BAZ2A: variants seen among roughly 807,000 people sequenced by gnomAD.
BAZ2A encodes the protein bromodomain adjacent to zinc finger domain protein 2A.
BAZ2A carries 34 observed loss-of-function variants against 199.9 expected under a neutral mutation model. The ratio of observed to expected loss-of-function variants is 0.17; its 90% confidence interval spans 0.13 to 0.23. The LOEUF is 0.23. Ranked by LOEUF, BAZ2A falls within the 10% of genes least tolerant of loss-of-function variation. The probability of loss-of-function intolerance (pLI) is 1.00; values close to 1 mark genes in which losing one functional copy is unlikely to be tolerated. For missense variants in BAZ2A, 2,002 were observed against 2,391.1 expected (o/e 0.84, Z 3.39); for synonymous variants, 857 against 883.9 (o/e 0.97, Z 0.54).
At chr12:56,633,708 C>A (rs527895541), upstream of BAZ2A, among the ~76,000 whole-genome samples, 1 of 151,882 alleles carries the variant, frequency 6.6e-6, no homozygotes, top group Non-Finnish European at 1.5e-5. Context: ...GGAAAACACC[C>A]CTCCCCTTCT....
At position 56,617,380 on chromosome 12, in the gene BAZ2A, A is replaced by G; in HGVS notation, c.136+15T>C. On this transcript the variant is annotated intron_variant, in intron 2 of 28. Coordinates refer to ENST00000549884, the MANE Select transcript of BAZ2A (RefSeq NM_001300905.2). Reference sequence around the variant, plus strand: ...TGCCCATTCCCTCCCCAGGCCAAGCAGCCCTCACACTCACTTTTCCCTTGC... The same window carrying G: ...TGCCCATTCCCTCCCCAGGCCAAGCGGCCCTCACACTCACTTTTCCCTTGC... 3.2e-6 allele frequency: 5 copies of G among 1,584,664 alleles called. No individual in the cohort carries two copies. Among genetic ancestry groups the G allele is most frequent in the South Asian group, 1.2e-5 (1 of 86,426 alleles).
chr12:56,604,760 G>C lies in BAZ2A; in HGVS notation c.2788C>G (p.Leu930Val). 2 of 1,613,906 alleles carry C rather than the reference G, an allele frequency of 1.2e-6. No individual in the cohort carries two copies. Among genetic ancestry groups the C allele is most frequent in the Non-Finnish European group, 1.7e-6 (2 of 1,179,884 alleles). The change falls in exon 15 of 29, where the codon CTG (leucine) becomes GTG (valine). Residue 930 changes from leucine to valine, a missense_variant. Leu to Val is a conservative substitution (Grantham distance 32). Coordinates refer to ENST00000549884, the MANE Select transcript of BAZ2A (RefSeq NM_001300905.2). ...ATCTCTGACACATTGTCTCTTGTCA[G>C]TGGGATCTCAGACACCTTCTCCCCC... ...ILGEKVSEIP[L>V]TRDNVSEILR...
At position 56,603,540 on chromosome 12, in the gene BAZ2A, T is replaced by C. The variant is rs1325719389; in HGVS notation, c.3199A>G (p.Arg1067Gly). The part of the protein sequence containing the change: ...EESIAAVPGR[R>G]GRRDGEVDAT... The stretch of plus-strand genomic sequence containing the variant: ...AGTACCTCTCCATCTCTTCGACCCC[T>C]GCGGCCAGGGACAGCTGCTATAGAC... The change falls in exon 17 of 29, where the codon AGG becomes GGG. Residue 1067 changes from arginine (R) to glycine (G), a missense_variant. Arg to Gly is a moderately radical substitution (Grantham distance 125). Coordinates refer to ENST00000549884, the MANE Select transcript of BAZ2A (RefSeq NM_001300905.2). 1 of 1,614,034 alleles carries C rather than the reference T, an allele frequency of 6.2e-7. No individual in the cohort carries two copies. The highest frequency in any genetic ancestry group is 2.2e-5 in the East Asian group (1 of 44,888).
chr12:56,615,132 G>A lies in BAZ2A; in HGVS notation c.612C>T (p.Ser204=). 1 of 1,613,712 alleles carries A rather than the reference G, an allele frequency of 6.2e-7. No individual in the cohort carries two copies. Among genetic ancestry groups the A allele is most frequent in the Non-Finnish European group, 8.5e-7 (1 of 1,179,784 alleles). ...GATGGATACCACTGCCTACCTCCTG[G>A]GAGGGTGCAAAGGTTTGAATGCTAG... ...LGSSIQTFAP[S]QEVGSGIHPD... is the part of the protein sequence containing the mutation. Residue 204 remains serine, a synonymous_variant, in exon 3 of 29, where the codon TCC becomes TCT. Transcript: ENST00000549884.
At position 56,611,662 on chromosome 12, in the gene BAZ2A, A is replaced by C. The variant is rs529882168; in HGVS notation, c.1610-29T>G. On this transcript the variant is annotated intron_variant, in intron 6 of 28. Transcript: ENST00000549884. ...GGGAGGAAGGGATACCCAAGTTAAG[A>C]GTTCAAGCAAAATATTTAAACAATA... is the stretch of plus-strand genomic sequence containing the variant. The C allele has an allele frequency of 9.3e-5, 147 of 1,578,958 alleles. 1 individual carries two copies. In the South Asian group the frequency reaches 1.6e-3, roughly 18 times the overall value.
chr12:56,638,294 A>G (rs781303553), upstream of BAZ2A: 1 of 1,586,960 alleles, frequency 6.3e-7, no homozygotes, highest in African/African-American at 1.3e-5. Flanking sequence ...AGGGGCAAGG[A>G]GAGAGACAGT....
chr12:56,608,090 A>G (rs530914929), intron 10 of BAZ2A, among the ~76,000 whole-genome samples: 21 of 148,530 alleles, frequency 1.4e-4, no homozygotes, highest in Admixed American at 6.7e-5. Flanking sequence ...AAAAAAAAAA[A>G]GGGCCAGGCG....
upstream of BAZ2A, among the ~76,000 whole-genome samples, chr12:56,630,484 C>G (rs1470497785): frequency 1.3e-5 from 2 of 152,274 alleles, no homozygotes; most frequent in Non-Finnish European, 2.9e-5. Flanking sequence ...CCTTGCCCAC[C>G]TGGCAGCTCC....
At position 56,624,681 on chromosome 12, in the gene BAZ2A, G is replaced by C. The variant is rs555969351; in HGVS notation, c.-3+5444C>G. ...GATAAAAATTTCAAGAGAGAAGAAAGGCCTCAAATCTTGACGTACTTAAAT... is the reference window on the plus strand; with the variant it reads ...GATAAAAATTTCAAGAGAGAAGAAACGCCTCAAATCTTGACGTACTTAAAT... On this transcript the variant is annotated intron_variant, in intron 1 of 28. Coordinates refer to ENST00000549884, the MANE Select transcript of BAZ2A (RefSeq NM_001300905.2). Among the ~76,000 whole-genome samples the C allele has an allele frequency of 3.4e-5, 5 of 148,418 alleles. 1 individual carries two copies. In the South Asian group the frequency reaches 6.4e-4, roughly 19 times the overall value.
chr12:56,638,273 CT>C, upstream of BAZ2A: 1 of 1,502,198 alleles, frequency 6.7e-7, no homozygotes, highest in Non-Finnish European at 9.2e-7. Flanking sequence ...AAAAATGAAG[CT>C]TTTTGGGTTA....
In BAZ2A at chr12:56,604,737, C is replaced by G. The variant is rs781365311; in HGVS notation, c.2811G>C (p.Glu937Asp). ...EIPLTRDNVS[E>D]ILRCFLMAYG... is the part of the protein sequence containing the mutation. The stretch of plus-strand genomic sequence containing the variant: ...ATGCCATAAGGAAGCAGCGCAGGAT[C>G]TCTGACACATTGTCTCTTGTCAGTG... The change falls in exon 15 of 29, where the codon GAG (glutamate) becomes GAC (aspartate). Residue 937 changes from glutamate to aspartate, a missense_variant. By Grantham distance (45) the Glu-to-Asp change is conservative. Transcript: ENST00000549884. The G allele has an allele frequency of 6.2e-7, 1 of 1,613,906 alleles. No homozygotes were observed. Among genetic ancestry groups the G allele is most frequent in the South Asian group, 1.1e-5 (1 of 91,032 alleles).
chr12:56,611,530 A>T (rs763907284), intron 7 of BAZ2A, 43 bp downstream of exon 7: 2 of 1,573,872 alleles, frequency 1.3e-6, no homozygotes, highest in African/African-American at 2.7e-5. Context: ...GTTGTGCATT[A>T]AACTTGTCAA....
Position 56,602,703 on chromosome 12 carries a change from G to A in BAZ2A, c.3424+10C>T, listed in dbSNP as rs183341800. Reference sequence around the variant, plus strand: ...GGACTCAGAATCCACACTCCCACAGGCACACCTACCTAAGTTCCCCTCTGT... The same window carrying A: ...GGACTCAGAATCCACACTCCCACAGACACACCTACCTAAGTTCCCCTCTGT... On this transcript the variant is annotated intron_variant, in intron 19 of 28. Coordinates refer to ENST00000549884, the MANE Select transcript of BAZ2A (RefSeq NM_001300905.2). 18 of 1,611,444 alleles carry A rather than the reference G, an allele frequency of 1.1e-5. No homozygotes were observed. In the African/African-American group the frequency reaches 2.3e-4, roughly 20 times the overall value.
chr12:56,601,721 G>T lies in BAZ2A; in HGVS notation c.3896C>A (p.Pro1299Gln), dbSNP rs1437951164. The stretch of plus-strand genomic sequence containing the variant: ...CTCTGGCTCCTCCGGGGGTTGTGAT[G>T]GAGCTGGGTCTAGTTTTCCCGGACT... Reference protein sequence around the residue: ...DSSPGKLDPAPSQPPEEPEPD... With the variant: ...DSSPGKLDPAQSQPPEEPEPD... Residue 1299 changes from proline (P) to glutamine (Q), a missense_variant, in exon 20 of 29, where the codon CCA (proline) becomes CAA (glutamine). Pro to Gln is a moderately conservative substitution (Grantham distance 76, BLOSUM62 -1). Around this residue, in one of 6 missense-constraint regions of BAZ2A, gnomAD observed 1,081 missense variants for 1,274.7 expected, o/e 0.85. Transcript: ENST00000549884. The T allele has an allele frequency of 1.2e-6, 2 of 1,613,884 alleles. No individual in the cohort carries two copies. Among genetic ancestry groups the T allele is most frequent in the Non-Finnish European group, 1.7e-6 (2 of 1,179,902 alleles).
chr12:56,633,143 C>G (rs1221877153), upstream of BAZ2A, among the ~76,000 whole-genome samples: 2 of 152,170 alleles, frequency 1.3e-5, no homozygotes, highest in African/African-American at 4.8e-5. Flanking sequence ...ACCTGCACCC[C>G]CTTTCTCACC....
chr12:56,631,524 G>A (rs1002298023), upstream of BAZ2A, among the ~76,000 whole-genome samples: 3 of 151,490 alleles, frequency 2.0e-5, no homozygotes, highest in African/African-American at 7.3e-5. Flanking sequence ...GACCCAAAGA[G>A]GTTCAATGAC....
chr12:56,623,542 A>G (rs1052480521), intron 1 of BAZ2A, among the ~76,000 whole-genome samples: 2 of 152,212 alleles, frequency 1.3e-5, no homozygotes, highest in African/African-American at 4.8e-5. Context: ...TCACACCACT[A>G]CATTTTAGCT....
intron 3 of BAZ2A, chr12:56,614,408 G>C (rs1950652852): frequency 2.8e-6 from 1 of 356,784 alleles, no homozygotes; most frequent in Non-Finnish European, 5.1e-6. Context: ...CATCCATTGG[G>C]AAACGAGAAA....
chr12:56,614,575 T>C, intron 3 of BAZ2A, among the ~76,000 whole-genome samples: 1 of 152,338 alleles, frequency 6.6e-6, no homozygotes, highest in South Asian at 2.1e-4. Flanking sequence ...AATAATGATA[T>C]GCTCTGCCTG....
Sources: allele counts gnomAD v4.1 joint callset (sites outside exome capture counted in the v4.1 genomes callset), GRCh38; gene constraint gnomAD v4.1.1; regional missense constraint gnomAD v4.1.1; transcripts MANE v1.5; gene names NCBI Gene and HGNC (gene_info 2026-07-23, HGNC 2026-07-21).